Variants in ZNF525 observed in about 807,000 individuals in gnomAD.
ZNF525 encodes the protein zinc finger protein 525.
In ZNF525, 33 loss-of-function variants were observed where a neutral mutation model predicts 37.6. The observed-to-expected ratio is 0.88, with a 90% CI of 0.67 to 1.17. ZNF525 has a LOEUF of 1.17. Ranked by LOEUF, ZNF525 falls within the 50% of genes most tolerant of loss-of-function variation. The probability of loss-of-function intolerance (pLI) is 0.00; values close to 1 mark genes in which losing one functional copy is unlikely to be tolerated. For synonymous variants in ZNF525, 170 were observed against 182.3 expected (o/e 0.93, Z 0.54); for missense variants, 449 against 543.1 (o/e 0.83, Z 1.72).
intron 3 of ZNF525, among the ~76,000 whole-genome samples, chr19:53,376,631 G>A (rs561505433): frequency 2.6e-5 from 4 of 152,216 alleles, no homozygotes; most frequent in Middle Eastern, 3.4e-3. Context: ...AGGCTGCAGC[G>A]CAGTGGGGCG....
In ZNF525 at chr19:53,386,156, C is replaced by CA. The variant is rs111382307; in HGVS notation, c.*4150dup. Reference sequence around the variant, plus strand: ...GAGCAACAAGAGCAAAACTCCATCTCAAAAAAAAAAAAATTGTCAAGTTCC... The same window carrying CA: ...GAGCAACAAGAGCAAAACTCCATCTCAAAAAAAAAAAAAATTGTCAAGTTCC... On this transcript the variant is annotated 3_prime_UTR_variant, in exon 4 of 4. Transcript: ENST00000474037. 0.2 allele frequency: 73,187 copies of CA among 366,006 alleles called. 2,200 individuals are homozygous for CA. Among genetic ancestry groups the CA allele is most frequent in the African/African-American group, 0.25 (11,211 of 45,404 alleles). The allele number at this position is 366,006 out of a possible 1,614,324, so 22.7% of individuals were successfully genotyped here. A position where few individuals can be genotyped will look rare whatever the true frequency, so the allele number is the denominator to read the frequency against.
intron 1 of ZNF525, among the ~76,000 whole-genome samples, chr19:53,367,485 T>G (rs1245636086): frequency 1.3e-5 from 2 of 152,204 alleles, no homozygotes; most frequent in South Asian, 2.1e-4. Context: ...TCTGCCTGGT[T>G]ACAATTGCTT....
chr19:53,383,968 T>G lies in ZNF525; in HGVS notation c.*1949T>G, dbSNP rs1394880527. The G allele has an allele frequency of 7.5e-6, 6 of 800,320 alleles. No individual in the cohort carries two copies. The East Asian group carries it at 2.2e-4, about 30-fold the overall frequency. The allele number at this position is 800,320 out of a possible 1,614,324, so 49.6% of individuals were successfully genotyped here. ...TCATTAGACATCAGAGAATCCATACTGGACAGAAATCTTACAAATGTCATC... is the reference window on the plus strand; with the variant it reads ...TCATTAGACATCAGAGAATCCATACGGGACAGAAATCTTACAAATGTCATC... On this transcript the variant is annotated 3_prime_UTR_variant, in exon 4 of 4. Coordinates refer to ENST00000474037, the MANE Select transcript of ZNF525 (RefSeq NM_001348156.2).
At position 53,382,120 on chromosome 19, in the gene ZNF525, A is replaced by G. The variant is rs986780729; in HGVS notation, c.*101A>G. On this transcript the variant is annotated 3_prime_UTR_variant, in exon 4 of 4. Transcript: ENST00000474037. The stretch of plus-strand genomic sequence containing the variant: ...CATACGTCATCCATTGTATACCATC[A>G]TAAATTTCATAGTGGAGAGAAACCT... 14 of 1,563,918 alleles carry G rather than the reference A, an allele frequency of 9.0e-6. No homozygotes were observed. The South Asian group carries it at 1.6e-4, about 18-fold the overall frequency.
rs188305772 is a variant in ZNF525, at chr19:53,380,557, G to T, written c.143-165G>T. Among the ~76,000 whole-genome samples, 818 of 152,262 alleles carry T rather than the reference G, an allele frequency of 5.4e-3. 8 individuals are homozygous for T. The highest frequency in any genetic ancestry group is 0.019 in the African/African-American group (789 of 41,546). On this transcript the variant is annotated intron_variant, in intron 3 of 3. Coordinates refer to ENST00000474037, the MANE Select transcript of ZNF525 (RefSeq NM_001348156.2). ...TTTGTGCCCTTCAGTGTTTTGTCAT[G>T]ATATTGGAAATAAGCTTTCATAATA...
chr19:53,383,809 G>A lies in ZNF525; in HGVS notation c.*1790G>A, dbSNP rs931971147. The A allele has an allele frequency of 1.9e-6, 1 of 535,494 alleles. No homozygotes were observed. Among genetic ancestry groups the A allele is most frequent in the African/African-American group, 1.9e-5 (1 of 52,088 alleles). The allele number at this position is 535,494 out of a possible 1,614,324, so 33.2% of individuals were successfully genotyped here. A position where few individuals can be genotyped will look rare whatever the true frequency, so the allele number is the denominator to read the frequency against. On this transcript the variant is annotated 3_prime_UTR_variant, in exon 4 of 4. Coordinates refer to ENST00000474037, the MANE Select transcript of ZNF525 (RefSeq NM_001348156.2). ...TTCATTGGCGAACTCATGCTGGAGA[G>A]AAATCTTACAATGTCATGATTGTGG...
In ZNF525 at chr19:53,383,004, A is replaced by G. The variant is rs1440113097; in HGVS notation, c.*985A>G. 7.9e-6 allele frequency: 12 copies of G among 1,512,546 alleles called. No individual in the cohort carries two copies. In the East Asian group the frequency reaches 2.3e-4, roughly 29 times the overall value. 93.7% of individuals were successfully genotyped at this position (1,512,546 alleles called of 1,614,324 possible). A position where few individuals can be genotyped will look rare whatever the true frequency, so the allele number is the denominator to read the frequency against. On this transcript the variant is annotated 3_prime_UTR_variant, in exon 4 of 4. Coordinates refer to ENST00000474037, the MANE Select transcript of ZNF525 (RefSeq NM_001348156.2). ...CCTTACAAGTGTAATGAATGTGGCA[A>G]GGTTTTTAATCGCAAAGCAAAGCTT... is the stretch of plus-strand genomic sequence containing the variant.
intron 1 of ZNF525, among the ~76,000 whole-genome samples, chr19:53,368,795 T>C (rs1358589744): frequency 2.6e-5 from 4 of 152,158 alleles, no homozygotes; most frequent in African/African-American, 9.7e-5. Context: ...TGGGGTAACC[T>C]GCGGTCCACA....
chr19:53,382,761 G>T lies in ZNF525; in HGVS notation c.*742G>T. 1.1e-6 allele frequency: 1 copy of T among 929,664 alleles called. No individual in the cohort carries two copies. The allele number at this position is 929,664 out of a possible 1,614,324, so 57.6% of individuals were successfully genotyped here. A position where few individuals can be genotyped will look rare whatever the true frequency, so the allele number is the denominator to read the frequency against. On this transcript the variant is annotated 3_prime_UTR_variant, in exon 4 of 4. Transcript: ENST00000474037. ...TGTGATAAATGTGACAAATTTTTCA[G>T]ACATCGTTCATACCTTGCAGTTCAC... is the stretch of plus-strand genomic sequence containing the variant.
chr19:53,377,656 G>A (rs1272225192), intron 3 of ZNF525, among the ~76,000 whole-genome samples: 1 of 151,016 alleles, frequency 6.6e-6, no homozygotes, highest in Non-Finnish European at 1.5e-5. Context: ...CCAGGTTCAA[G>A]CGATTCTCCT....
Position 53,380,781 on chromosome 19 carries a change from G to C in ZNF525, c.202G>C (p.Val68Leu). 1 of 1,391,674 alleles carries C rather than the reference G, an allele frequency of 7.2e-7. No homozygotes were observed. The highest frequency in any genetic ancestry group is 2.3e-5 in the East Asian group (1 of 43,796). The allele number at this position is 1,391,674 out of a possible 1,614,324, so 86.2% of individuals were successfully genotyped here. Residue 68 changes from valine (V) to leucine (L), a missense_variant, in exon 4 of 4, where the codon GTG (valine) becomes CTG (leucine). Transcript: ENST00000474037. ...ATCAACAGCACAAGGCAATACAGAAGTGATCCACACAGGGACATTGCAAAG... is the reference window on the plus strand; with the variant it reads ...ATCAACAGCACAAGGCAATACAGAACTGATCCACACAGGGACATTGCAAAG... ...FSSTAQGNTE[V>L]IHTGTLQRHE...
chr19:53,376,415 C>T (rs2085522885), intron 3 of ZNF525: 2 of 629,750 alleles, frequency 3.2e-6, no homozygotes, highest in East Asian at 2.8e-5. Flanking sequence ...TTACCATTGC[C>T]TTTTTGTTAC....
intron 1 of ZNF525, among the ~76,000 whole-genome samples, chr19:53,367,076 G>A (rs1162244099): frequency 2.0e-5 from 3 of 152,028 alleles, no homozygotes; most frequent in Non-Finnish European, 4.4e-5. Context: ...TTCCATAGCT[G>A]GTGGCCTTGT....
Position 53,383,454 on chromosome 19 carries a change from G to A in ZNF525, c.*1435G>A. On this transcript the variant is annotated 3_prime_UTR_variant, in exon 4 of 4. Transcript: ENST00000474037. ...TCGCAAATCAAACCTCGAAAGACAG[G>A]AGAATTCATACTGGAGAGAAACCAT... The A allele has an allele frequency of 2.0e-6, 2 of 1,019,100 alleles. No homozygotes were observed. The highest frequency in any genetic ancestry group is 2.9e-6 in the Non-Finnish European group (2 of 682,734). The allele number at this position is 1,019,100 out of a possible 1,614,324, so 63.1% of individuals were successfully genotyped here.
At chr19:53,373,628 C>T (rs766983312) in intron 2 of ZNF525, among the ~76,000 whole-genome samples, 8 of 151,478 alleles carry the variant, frequency 5.3e-5, no homozygotes, top group Non-Finnish European at 7.4e-5. Context: ...TATGAGACTC[C>T]GGAAAAATTC....
chr19:53,376,229 C>G (rs187550466), intron 3 of ZNF525: 1 of 708,478 alleles, frequency 1.4e-6, no homozygotes, highest in South Asian at 1.5e-5. Context: ...CAGGCGCCAA[C>G]CCCCGTACCT....
At chr19:53,374,165 G>A (rs746330720) in intron 2 of ZNF525, among the ~76,000 whole-genome samples, 2 of 152,058 alleles carry the variant, frequency 1.3e-5, no homozygotes, top group Non-Finnish European at 2.9e-5. Context: ...TTACAGGTGT[G>A]AGCCTCCTTG....
intron 3 of ZNF525, among the ~76,000 whole-genome samples, chr19:53,378,459 C>T (rs918009727): frequency 3.9e-5 from 6 of 151,984 alleles, no homozygotes; most frequent in Non-Finnish European, 5.9e-5. Flanking sequence ...CAGGCTGAGG[C>T]GGGAGAATCT....
chr19:53,378,414 C>T lies in ZNF525; in HGVS notation c.143-2308C>T, dbSNP rs182963200. Among the ~76,000 whole-genome samples the T allele has an allele frequency of 3.3e-5, 5 of 152,232 alleles. No homozygotes were observed. In the East Asian group the frequency reaches 9.7e-4, roughly 29 times the overall value. ...AGGTTGTAGTGAGCCAAGGTTACAC[C>T]ACTGCACTCCAGTCTGGGCACCAAA... is the stretch of plus-strand genomic sequence containing the variant. On this transcript the variant is annotated intron_variant, in intron 3 of 3. Coordinates refer to ENST00000474037, the MANE Select transcript of ZNF525 (RefSeq NM_001348156.2).
Sources: allele counts gnomAD v4.1 joint callset (sites outside exome capture counted in the v4.1 genomes callset), GRCh38; gene constraint gnomAD v4.1.1; transcripts MANE v1.5; gene names NCBI Gene and HGNC (gene_info 2026-07-23, HGNC 2026-07-21).